Variants in GLRA1 observed in about 807,000 individuals in gnomAD.
The protein encoded by GLRA1 is glycine receptor subunit alpha-1.
A neutral mutation model predicts 48.3 loss-of-function variants in GLRA1; 37 were observed. The observed-to-expected ratio is 0.77, with a 90% CI of 0.59 to 1.01. GLRA1 has a LOEUF of 1.01. GLRA1 is among the 50% of genes least tolerant of loss of function. The pLI is 0.00. For missense variants in GLRA1, 427 were observed against 571.0 expected (o/e 0.75, Z 2.57); for synonymous variants, 196 against 210.7 (o/e 0.93, Z 0.60).
chr5:151,923,334 C>T lies in GLRA1; in HGVS notation c.56+1160G>A, dbSNP rs1754925118. On this transcript the variant is annotated intron_variant, in intron 1 of 8. Coordinates refer to ENST00000274576, the MANE Select transcript of GLRA1 (RefSeq NM_000171.4). ...GCAATTCCTATGAACTGTAATAAAA[C>T]AAAAATTATTTGCTGTTTTATGTTG... Among the ~76,000 whole-genome samples, 6 of 152,128 alleles carry T rather than the reference C, an allele frequency of 3.9e-5. No individual in the cohort carries two copies. The South Asian group carries it at 1.2e-3, about 31-fold the overall frequency.
chr5:151,860,859 A>G (rs1301811246), intron 3 of GLRA1, among the ~76,000 whole-genome samples: 1 of 152,110 alleles, frequency 6.6e-6, no homozygotes, highest in Non-Finnish European at 1.5e-5. Flanking sequence ...TATATCTCCT[A>G]GTGCTATCCC....
At chr5:151,881,853 G>T (rs1215121589) in intron 3 of GLRA1, among the ~76,000 whole-genome samples, 1 of 152,220 alleles carries the variant, frequency 6.6e-6, no homozygotes, top group South Asian at 2.1e-4. Flanking sequence ...TTAGGCCTGG[G>T]GACTCCAGCT....
At chr5:151,834,985 G>A (rs563596797) in intron 7 of GLRA1, among the ~76,000 whole-genome samples, 10 of 135,870 alleles carry the variant, frequency 7.4e-5, no homozygotes, top group South Asian at 4.7e-4. Context: ...CCAAGATTGC[G>A]CCACTGCACT....
chr5:151,847,633 C>T (rs1286785743), intron 7 of GLRA1, among the ~76,000 whole-genome samples: 7 of 151,828 alleles, frequency 4.6e-5, no homozygotes, highest in Non-Finnish European at 7.4e-5. Context: ...GCAGGAGAAT[C>T]GCTTGAACCC....
intron 1 of GLRA1, among the ~76,000 whole-genome samples, chr5:151,903,689 A>G (rs1270249600): frequency 6.6e-6 from 1 of 152,240 alleles, no homozygotes; most frequent in East Asian, 1.9e-4. Context: ...CATTTTATAG[A>G]TAAGAAAACT....
intron 1 of GLRA1, among the ~76,000 whole-genome samples, chr5:151,897,131 A>G (rs924710333): frequency 6.6e-6 from 1 of 152,202 alleles, no homozygotes; most frequent in Non-Finnish European, 1.5e-5. Flanking sequence ...TTCCAAATAC[A>G]AAGGCTCCAT....
intron 5 of GLRA1, among the ~76,000 whole-genome samples, chr5:151,855,649 G>A (rs1753022039): frequency 6.6e-6 from 1 of 152,228 alleles, no homozygotes; most frequent in South Asian, 2.1e-4. Context: ...GAAGTAACAA[G>A]AGGTTCAGAA....
chr5:151,913,003 C>T (rs1009590116), intron 1 of GLRA1, among the ~76,000 whole-genome samples: 1 of 152,116 alleles, frequency 6.6e-6, no homozygotes, highest in Non-Finnish European at 1.5e-5. Context: ...AAGAAGAGTC[C>T]GTGCCCAGCT....
Position 151,838,344 on chromosome 5 carries a change from C to A in GLRA1, c.913-9277G>T, listed in dbSNP as rs189989594. Among the ~76,000 whole-genome samples the A allele has an allele frequency of 7.2e-3, 1,101 of 152,198 alleles. 4 individuals carry two copies. Among genetic ancestry groups the A allele is most frequent in the Admixed American group, 0.012 (179 of 15,284 alleles). On this transcript the variant is annotated intron_variant, in intron 7 of 8. Transcript: ENST00000274576. ...ATTAGCCAGGTGTGGTGGTGCATGCCTGTAATCCCAGCTACTCGGGAGGCT... is the reference window on the plus strand; with the variant it reads ...ATTAGCCAGGTGTGGTGGTGCATGCATGTAATCCCAGCTACTCGGGAGGCT...
At chr5:151,913,970 G>A (rs1441238550) in intron 1 of GLRA1, among the ~76,000 whole-genome samples, 3 of 152,146 alleles carry the variant, frequency 2.0e-5, no homozygotes, top group African/African-American at 7.2e-5. Context: ...ACCGTTAAGT[G>A]ATTTATCCTA....
At chr5:151,861,781 G>C (rs1753212172) in intron 3 of GLRA1, among the ~76,000 whole-genome samples, 1 of 152,088 alleles carries the variant, frequency 6.6e-6, no homozygotes, top group African/African-American at 2.4e-5. Context: ...AAATAAAAGA[G>C]GACACAAACA....
At chr5:151,883,595 C>T (rs1000933161) in intron 3 of GLRA1, among the ~76,000 whole-genome samples, 6 of 152,216 alleles carry the variant, frequency 3.9e-5, no homozygotes, top group African/African-American at 1.4e-4. Context: ...GAAGGAATCA[C>T]GTGAGAGCAT....
chr5:151,857,233 G>T (rs761274445), intron 4 of GLRA1, among the ~76,000 whole-genome samples: 2 of 152,282 alleles, frequency 1.3e-5, no homozygotes, highest in Non-Finnish European at 2.9e-5. Context: ...TTGGGTGGCG[G>T]TGGGTGTGGA....
Position 151,910,350 on chromosome 5 carries a change from A to G in GLRA1, c.56+14144T>C, listed in dbSNP as rs113246773. ...ATATATTGTTGTAAAACATTCAAGT[A>G]TTACAGGAATATTTAATGCAGGAAA... On this transcript the variant is annotated intron_variant, in intron 1 of 8. Transcript: ENST00000274576. Among the ~76,000 whole-genome samples the G allele has an allele frequency of 1.1e-4, 16 of 152,344 alleles. 2 individuals carry two copies. Among genetic ancestry groups the G allele is most frequent in the African/African-American group, 3.8e-4 (16 of 41,576 alleles).
At chr5:151,825,965 T>G (rs1259522076) in intron 8 of GLRA1, among the ~76,000 whole-genome samples, 1 of 152,180 alleles carries the variant, frequency 6.6e-6, no homozygotes, top group Admixed American at 6.5e-5. Context: ...AGGAAACTAT[T>G]CTTTATGGTG....
intron 3 of GLRA1, among the ~76,000 whole-genome samples, chr5:151,885,500 A>G (rs770685442): frequency 6.6e-6 from 1 of 152,228 alleles, no homozygotes; most frequent in Non-Finnish European, 1.5e-5. Flanking sequence ...ACGTACGCGC[A>G]TGTTACAGTG....
intron 7 of GLRA1, among the ~76,000 whole-genome samples, chr5:151,837,056 G>T (rs949272157): frequency 5.9e-5 from 9 of 152,142 alleles, no homozygotes; most frequent in African/African-American, 2.2e-4. Context: ...GAAAATTTTT[G>T]CAATCTATCC....
chr5:151,867,173 G>T (rs1334682389), intron 3 of GLRA1, among the ~76,000 whole-genome samples: 1 of 152,226 alleles, frequency 6.6e-6, no homozygotes, highest in East Asian at 1.9e-4. Flanking sequence ...CATTAGAGAT[G>T]ATTTCCAGCC....
intron 5 of GLRA1, among the ~76,000 whole-genome samples, chr5:151,855,982 C>A (rs1753031404): frequency 6.6e-6 from 1 of 152,204 alleles, no homozygotes; most frequent in Non-Finnish European, 1.5e-5. Context: ...ACCTCCCCTG[C>A]TGGAGTGAAC....
Sources: gnomAD v4.1 joint callset for allele counts (sites outside exome capture counted in the v4.1 genomes callset) on GRCh38, gnomAD v4.1.1 for gene constraint, MANE v1.5 for transcripts, NCBI Gene and HGNC (gene_info 2026-07-23, HGNC 2026-07-21) for gene names.